SH3TC2: variants seen among roughly 807,000 people sequenced by gnomAD.
The protein encoded by SH3TC2 is SH3 domain and tetratricopeptide repeat-containing protein 2.
In SH3TC2, 87 loss-of-function variants were observed where a neutral mutation model predicts 124.5. The observed-to-expected ratio is 0.70, with a 90% CI of 0.59 to 0.84. The LOEUF (loss-of-function observed/expected upper bound fraction) is 0.84, where lower values mean the gene tolerates loss of function less well. Ranked by LOEUF, SH3TC2 falls within the 40% of genes least tolerant of loss-of-function variation. The probability of loss-of-function intolerance (pLI) is 0.00; values close to 1 mark genes in which losing one functional copy is unlikely to be tolerated. For synonymous variants in SH3TC2, 634 were observed against 628.5 expected, an observed-to-expected ratio of 1.01 and a Z score of -0.13; for missense variants, 1,536 against 1,566.4, an observed-to-expected ratio of 0.98 and a Z score of 0.33.
intron 9 of SH3TC2, among the ~76,000 whole-genome samples, chr5:149,030,810 T>C (rs1009219883): frequency 1.3e-5 from 2 of 152,202 alleles, no homozygotes; most frequent in South Asian, 4.1e-4. Context: ...TCACCATCAA[T>C]GAAGAGATGG....
rs1249544723 is a variant in SH3TC2, at chr5:148,983,774, TAGGGAATA to T, written c.*20929_*20936del. ...TGTCCAGAGCTTTTGTCCAAAGTGCTAGGGAATAAGACACTCTTTTTTCTGTTCCAGTC... is the reference window on the plus strand; with the variant it reads ...TGTCCAGAGCTTTTGTCCAAAGTGCTAGACACTCTTTTTTCTGTTCCAGTC... On this transcript the variant is annotated 3_prime_UTR_variant, in exon 17 of 17. Coordinates refer to ENST00000515425, the MANE Select transcript of SH3TC2 (RefSeq NM_024577.4). Among the ~76,000 whole-genome samples the T allele has an allele frequency of 6.6e-6, 1 of 152,130 alleles. No homozygotes were observed. The highest frequency in any genetic ancestry group is 6.5e-5 in the Admixed American group (1 of 15,278).
At chr5:149,050,032 A>C (rs1357265429) in intron 2 of SH3TC2, among the ~76,000 whole-genome samples, 3 of 152,192 alleles carry the variant, frequency 2.0e-5, no homozygotes, top group Non-Finnish European at 2.9e-5. Flanking sequence ...CATCTGATCC[A>C]AAATCCCCCA....
In SH3TC2 at chr5:149,010,257, A is replaced by T. The variant is rs1753761436; in HGVS notation, c.3327+13T>A. On this transcript the variant is annotated intron_variant, in intron 14 of 16. Coordinates refer to ENST00000515425, the MANE Select transcript of SH3TC2 (RefSeq NM_024577.4). ...CAGGACCTGTCTCAGCAAACTGCAC[A>T]GCTTGGACTTACTCGGTAGTACTCC... The T allele has an allele frequency of 1.9e-6, 3 of 1,614,194 alleles. No homozygotes were observed. Among genetic ancestry groups the T allele is most frequent in the Non-Finnish European group, 2.5e-6 (3 of 1,180,042 alleles).
rs577783066 is a variant in SH3TC2, at chr5:149,027,889, C to T, written c.1843G>A (p.Val615Met). ...CCCTGGCGCAGCACGTAGGCCACCA[C>T]GTCGAGTTCATGCTTGGCACTAGAC... ...RESSAKHELD[V>M]VAYVLRQGIV... The change falls in exon 11 of 17, where the codon GTG (valine) becomes ATG (methionine). Residue 615 changes from valine (V) to methionine (M), a missense_variant. This residue lies in a region of SH3TC2 where 1,102 missense variants were observed against 1,098.6 expected (regional missense o/e 1.00). Transcript: ENST00000515425. 1.9e-5 allele frequency: 30 copies of T among 1,613,966 alleles called. No individual in the cohort carries two copies. The highest frequency in any genetic ancestry group is 6.7e-5 in the East Asian group (3 of 44,874).
chr5:149,060,489 A>C (rs1214615747), intron 1 of SH3TC2, among the ~76,000 whole-genome samples: 2 of 152,200 alleles, frequency 1.3e-5, no homozygotes, highest in Non-Finnish European at 2.9e-5. Flanking sequence ...GTCAACGTTC[A>C]TTATTGTGTC....
At chr5:149,040,084 A>T (rs971084540) in intron 7 of SH3TC2, among the ~76,000 whole-genome samples, 1 of 152,182 alleles carries the variant, frequency 6.6e-6, no homozygotes, top group Non-Finnish European at 1.5e-5. Context: ...ACACACATAC[A>T]GATTACTTAA....
rs780022559 is a variant in SH3TC2, at chr5:148,985,300, A to G, written c.*19411T>C. ...TACAGAGTTCTATGAGTTTTGGCAA[A>G]TGCATTCAATGCCATCACTACTACA... On this transcript the variant is annotated 3_prime_UTR_variant, in exon 17 of 17. Coordinates refer to ENST00000515425, the MANE Select transcript of SH3TC2 (RefSeq NM_024577.4). 2.2e-4 allele frequency among the ~76,000 whole-genome samples: 34 copies of G among 152,184 alleles called. No homozygotes were observed. Among genetic ancestry groups the G allele is most frequent in the Non-Finnish European group, 4.3e-4 (29 of 68,022 alleles).
chr5:149,047,502 T>TA (rs956058465), intron 3 of SH3TC2: 181 of 310,094 alleles, frequency 5.8e-4, no homozygotes, highest in South Asian at 1.2e-3. Context: ...TGTATCACAG[T>TA]AAAAAAAAAG....
At position 148,984,057 on chromosome 5, in the gene SH3TC2, TAC is replaced by T. The variant is rs1753295275; in HGVS notation, c.*20652_*20653del. On this transcript the variant is annotated 3_prime_UTR_variant, in exon 17 of 17. Coordinates refer to ENST00000515425, the MANE Select transcript of SH3TC2 (RefSeq NM_024577.4). ...AAAAGAACCTGCATACAACTTCTTGTACATGAATATTGATATCACTTCCCAGA... is the reference window on the plus strand; with the variant it reads ...AAAAGAACCTGCATACAACTTCTTGTATGAATATTGATATCACTTCCCAGA... Among the ~76,000 whole-genome samples, 1 of 152,234 alleles carries T rather than the reference TAC, an allele frequency of 6.6e-6. No homozygotes were observed. The highest frequency in any genetic ancestry group is 1.5e-5 in the Non-Finnish European group (1 of 68,032).
At position 148,982,594 on chromosome 5, in the gene SH3TC2, A is replaced by G. The variant is rs1753268492; in HGVS notation, c.*22117T>C. Among the ~76,000 whole-genome samples, 1 of 152,244 alleles carries G rather than the reference A, an allele frequency of 6.6e-6. No individual in the cohort carries two copies. Among genetic ancestry groups the G allele is most frequent in the African/African-American group, 2.4e-5 (1 of 41,468 alleles). The stretch of plus-strand genomic sequence containing the variant: ...ATGAGGATACTGTTTGTAGAGTCAT[A>G]TGAAAGATTTTCCAAGATTTACATT... On this transcript the variant is annotated 3_prime_UTR_variant, in exon 17 of 17. Transcript: ENST00000515425.
intron 12 of SH3TC2, among the ~76,000 whole-genome samples, chr5:149,018,318 AG>A (rs1229256123): frequency 1.3e-5 from 2 of 152,046 alleles, no homozygotes; most frequent in African/African-American, 2.4e-5. Context: ...ATCTCCTTCT[AG>A]GGAAGAAGTT....
At chr5:149,043,390 A>G (rs1754404121) in intron 4 of SH3TC2, among the ~76,000 whole-genome samples, 1 of 152,310 alleles carries the variant, frequency 6.6e-6, no homozygotes, top group East Asian at 1.9e-4. Context: ...TAAATTGTAA[A>G]ACTCTAATAA....
chr5:149,038,055 G>C (rs889686392), intron 8 of SH3TC2, among the ~76,000 whole-genome samples: 3 of 152,112 alleles, frequency 2.0e-5, no homozygotes, highest in Non-Finnish European at 2.9e-5. Context: ...CCTTTGTCTT[G>C]GAGTTTTGCT....
chr5:149,001,408 A>G lies in SH3TC2; in HGVS notation c.*3303T>C, dbSNP rs1480524781. ...TAAGGAGCCAGCAGTCACACAGCCC[A>G]TATAAGATTTGAGGGAACAATTAGA... is the stretch of plus-strand genomic sequence containing the variant. On this transcript the variant is annotated 3_prime_UTR_variant, in exon 17 of 17. Coordinates refer to ENST00000515425, the MANE Select transcript of SH3TC2 (RefSeq NM_024577.4). 1 of 152,156 alleles carries G rather than the reference A, an allele frequency of 6.6e-6. No homozygotes were observed. Among genetic ancestry groups the G allele is most frequent in the East Asian group, 1.9e-4 (1 of 5,194 alleles). 9.4% of individuals were successfully genotyped at this position (152,156 alleles called of 1,614,324 possible).
chr5:149,022,973 C>G (rs1024794268), intron 12 of SH3TC2, among the ~76,000 whole-genome samples: 1 of 152,172 alleles, frequency 6.6e-6, no homozygotes, highest in East Asian at 1.9e-4. Flanking sequence ...GTGATGGTTA[C>G]ACAACTGTGT....
chr5:149,012,604 G>A lies in SH3TC2; in HGVS notation c.3184C>T (p.Leu1062=). 1.9e-6 allele frequency: 3 copies of A among 1,614,138 alleles called. No homozygotes were observed. The highest frequency in any genetic ancestry group is 2.5e-6 in the Non-Finnish European group (3 of 1,180,020). The change falls in exon 13 of 17, where the codon CTG becomes TTG. Residue 1062 remains leucine (L), a synonymous_variant. Transcript: ENST00000515425. ...RLHYLMQEDE[L]VELCLQAAIQ... Reference sequence around the variant, plus strand: ...CCTACCTGCAGGCACAGCTCCACCAGCTCGTCTTCCTGCATGAGGTAGTGG... The same window carrying A: ...CCTACCTGCAGGCACAGCTCCACCAACTCGTCTTCCTGCATGAGGTAGTGG...
intron 1 of SH3TC2, chr5:149,057,651 A>G (rs1298662494): frequency 6.6e-6 from 1 of 152,162 alleles, no homozygotes; most frequent in African/African-American, 2.4e-5. Flanking sequence ...CATGCTGCCA[A>G]AGCAAGCTCT....
chr5:149,008,868 C>A lies in SH3TC2; in HGVS notation c.3461G>T (p.Arg1154Met). Residue 1154 changes from arginine to methionine, a missense_variant, in exon 15 of 17, where the codon AGG becomes ATG. Physicochemically the swap from Arg to Met is moderately conservative, Grantham distance 91. Transcript: ENST00000515425. Reference protein sequence around the residue: ...KALEFATLAARLSTVTGDQRQ... With the variant: ...KALEFATLAAMLSTVTGDQRQ... ...CCACCCACCTGTGACTGTGCTGAGC[C>A]TGGCGGCCAGGGTGGCAAATTCCAA... The A allele has an allele frequency of 6.2e-7, 1 of 1,614,194 alleles. No individual in the cohort carries two copies. The highest frequency in any genetic ancestry group is 8.5e-7 in the Non-Finnish European group (1 of 1,180,048).
intron 2 of SH3TC2, 72 bp from the exon 3 acceptor site, chr5:149,048,061 A>G: frequency 6.3e-7 from 1 of 1,599,228 alleles, no homozygotes; most frequent in Non-Finnish European, 8.5e-7. Flanking sequence ...AGATTAGCCC[A>G]CAGTTTCCCC....
Sources: allele counts gnomAD v4.1 joint callset (sites outside exome capture counted in the v4.1 genomes callset), GRCh38; gene constraint gnomAD v4.1.1; regional missense constraint gnomAD v4.1.1; transcripts MANE v1.5; gene names NCBI Gene and HGNC (gene_info 2026-07-23, HGNC 2026-07-21).